Variants in CCDC7 observed in about 807,000 individuals in gnomAD.
CCDC7 encodes coiled-coil domain containing 7, also known as coiled-coil domain-containing protein 7.
CCDC7 carries 183 observed loss-of-function variants against 196.9 expected under a neutral mutation model. That is an observed-to-expected ratio of 0.93 (90% CI 0.82 to 1.05). The LOEUF (loss-of-function observed/expected upper bound fraction) is 1.05, where lower values mean the gene tolerates loss of function less well. Among genes scored for constraint, CCDC7 ranks in the 50% least tolerant of loss-of-function variants. The probability of loss-of-function intolerance (pLI) is 0.00; values close to 1 mark genes in which losing one functional copy is unlikely to be tolerated. For synonymous variants in CCDC7, 525 were observed against 484.6 expected (o/e 1.08, Z -1.10); for missense variants, 1,540 against 1,482.2 (o/e 1.04, Z -0.64).
At chr10:32,684,113 G>C (rs1476074826) in intron 21 of CCDC7, among the ~76,000 whole-genome samples, 3 of 152,160 alleles carry the variant, frequency 2.0e-5, no homozygotes, top group Admixed American at 2.0e-4. Context: ...GAGGTGGGTT[G>C]CTGTGCTGGG....
At chr10:32,498,405 T>C (rs2043251666) in intron 9 of CCDC7, among the ~76,000 whole-genome samples, 1 of 152,204 alleles carries the variant, frequency 6.6e-6, no homozygotes, top group South Asian at 2.1e-4. Flanking sequence ...TTGATCTGTG[T>C]GAATTTGAGC....
intron 2 of CCDC7, 58 bp from the exon 4 acceptor site, chr10:32,456,193 A>G: frequency 2.9e-6 from 4 of 1,357,702 alleles, no homozygotes; most frequent in Non-Finnish European, 3.9e-6. Context: ...CTAGAAAAAG[A>G]CAGACATGCA....
chr10:32,603,342 A>G (rs1381015756), intron 18 of CCDC7, among the ~76,000 whole-genome samples: 2 of 152,038 alleles, frequency 1.3e-5, no homozygotes, highest in Non-Finnish European at 2.9e-5. Context: ...TTCTTTATCC[A>G]TTCATCCATT....
At chr10:32,472,045 A>G (rs1278065092) in intron 6 of CCDC7, among the ~76,000 whole-genome samples, 2 of 152,202 alleles carry the variant, frequency 1.3e-5, no homozygotes, top group Non-Finnish European at 2.9e-5. Context: ...ACTGAAGCCA[A>G]TAGAGGTTAA....
intron 2 of CCDC7, among the ~76,000 whole-genome samples, chr10:32,454,428 G>A (rs1235120700): frequency 6.6e-6 from 1 of 152,070 alleles, no homozygotes; most frequent in African/African-American, 2.4e-5. Context: ...AGAGGTGGGA[G>A]GGAGGCGGGG....
chr10:32,559,092 C>T (rs2054880970), intron 13 of CCDC7, among the ~76,000 whole-genome samples: 1 of 152,248 alleles, frequency 6.6e-6, no homozygotes, highest in Non-Finnish European at 1.5e-5. Flanking sequence ...GATCAAACTG[C>T]AAGGCGGCAG....
chr10:32,644,341 G>A (rs1454462712), intron 20 of CCDC7, among the ~76,000 whole-genome samples: 1 of 152,066 alleles, frequency 6.6e-6, no homozygotes, highest in Non-Finnish European at 1.5e-5. Flanking sequence ...TAAGCCACTT[G>A]CTGTTCCTCC....
rs2094386854 is a variant in CCDC7, at chr10:32,870,442, A to G, written c.4112-5905A>G. ...GAATGCTTATGATTTTTGCACATTGATTTTGTATCCTGAGACTTTACTGAA... is the reference window on the plus strand; with the variant it reads ...GAATGCTTATGATTTTTGCACATTGGTTTTGTATCCTGAGACTTTACTGAA... On this transcript the variant is annotated intron_variant, in intron 41 of 41. Coordinates refer to ENST00000639629, the Ensembl canonical transcript of CCDC7. Among the ~76,000 whole-genome samples the G allele has an allele frequency of 4.6e-5, 7 of 152,090 alleles. No homozygotes were observed. The South Asian group carries it at 1.5e-3, about 32-fold the overall frequency.
At chr10:32,649,919 G>T (rs2068435577) in intron 20 of CCDC7, among the ~76,000 whole-genome samples, 5 of 152,134 alleles carry the variant, frequency 3.3e-5, no homozygotes, top group Admixed American at 3.3e-4. Flanking sequence ...TGTTTTAGTG[G>T]ATTGCTTGGC....
At chr10:32,627,996 T>C (rs1407530939) in intron 18 of CCDC7, among the ~76,000 whole-genome samples, 4 of 151,986 alleles carry the variant, frequency 2.6e-5, no homozygotes, top group Non-Finnish European at 4.4e-5. Flanking sequence ...TGTCCTTATC[T>C]GGTTTTGGTA....
intron 28 of CCDC7, among the ~76,000 whole-genome samples, chr10:32,757,728 C>T (rs11525260): frequency 0.14 from 21,063 of 152,054 alleles, 1,761 homozygotes; most frequent in East Asian, 0.25. Flanking sequence ...CAAAAGCTAG[C>T]AGAAGGCCAA....
chr10:32,613,907 G>C (rs2062466740), intron 18 of CCDC7, among the ~76,000 whole-genome samples: 1 of 152,214 alleles, frequency 6.6e-6, no homozygotes, highest in Middle Eastern at 3.4e-3. Context: ...ATGTTTATTA[G>C]GTCTGCTTCT....
chr10:32,504,249 T>C (rs962583606), intron 9 of CCDC7, among the ~76,000 whole-genome samples: 2 of 151,526 alleles, frequency 1.3e-5, no homozygotes, highest in African/African-American at 2.4e-5. Flanking sequence ...CCTGAGTAGC[T>C]GAGACTACAG....
At chr10:32,828,158 C>T (rs1413428860) in intron 32 of CCDC7, among the ~76,000 whole-genome samples, 1 of 152,096 alleles carries the variant, frequency 6.6e-6, no homozygotes, top group Non-Finnish European at 1.5e-5. Flanking sequence ...AATCTACCTC[C>T]AACCTGGAAG....
At chr10:32,469,809 C>G (rs1487179402) in intron 5 of CCDC7, among the ~76,000 whole-genome samples, 1 of 152,104 alleles carries the variant, frequency 6.6e-6, no homozygotes, top group Non-Finnish European at 1.5e-5. Context: ...ATACACAGAA[C>G]TAGGAAGAAA....
chr10:32,559,314 G>T (rs1022469419), intron 13 of CCDC7, among the ~76,000 whole-genome samples: 1 of 152,138 alleles, frequency 6.6e-6, no homozygotes, highest in African/African-American at 2.4e-5. Context: ...GCTTTGAAGA[G>T]AGCAGTGGTT....
intron 33 of CCDC7, among the ~76,000 whole-genome samples, chr10:32,837,626 G>A (rs1346299136): frequency 3.3e-5 from 5 of 151,972 alleles, no homozygotes; most frequent in Admixed American, 1.3e-4. Context: ...ACATGCACAT[G>A]TATGTTTATT....
chr10:32,711,752 A>G (rs1189673573), intron 25 of CCDC7, 22 bp downstream of exon 26: 1 of 1,321,460 alleles, frequency 7.6e-7, no homozygotes, highest in African/African-American at 1.5e-5. Context: ...GATGATAGCT[A>G]TTTTATATTA....
intron 20 of CCDC7, among the ~76,000 whole-genome samples, chr10:32,638,769 CT>C (rs985874784): frequency 6.6e-6 from 1 of 152,200 alleles, no homozygotes; most frequent in African/African-American, 2.4e-5. Context: ...TGGATTCCCT[CT>C]TTTTCTATTG....
Sources: allele counts gnomAD v4.1 joint callset (sites outside exome capture counted in the v4.1 genomes callset), GRCh38; gene constraint gnomAD v4.1.1; transcripts MANE v1.5; gene names NCBI Gene and HGNC (gene_info 2026-07-23, HGNC 2026-07-21).